ANKFY1: variants seen among roughly 807,000 people sequenced by gnomAD.
ANKFY1 encodes the protein ankyrin repeat and FYVE domain containing 1, also known as ankyrin repeat and FYVE domain-containing protein 1.
In ANKFY1, 47 loss-of-function variants were observed where a neutral mutation model predicts 128.3. The observed-to-expected ratio is 0.37, with a 90% CI of 0.29 to 0.47. ANKFY1 has a LOEUF of 0.47. Ranked by LOEUF, ANKFY1 falls within the 20% of genes least tolerant of loss-of-function variation. The probability of loss-of-function intolerance (pLI) is 1.00; values close to 1 mark genes in which losing one functional copy is unlikely to be tolerated. For synonymous variants in ANKFY1, 553 were observed against 601.6 expected (o/e 0.92, Z 1.18); for missense variants, 1,222 against 1,510.6 (o/e 0.81, Z 3.17).
chr17:4,221,481 G>A (rs957895260), intron 3 of ANKFY1, among the ~76,000 whole-genome samples: 1 of 152,126 alleles, frequency 6.6e-6, no homozygotes, highest in Non-Finnish European at 1.5e-5. Flanking sequence ...CAAAGTGCTG[G>A]TATTACAGGC....
At chr17:4,207,181 T>C (rs1298825748) in intron 6 of ANKFY1, among the ~76,000 whole-genome samples, 15 of 149,310 alleles carry the variant, frequency 1.0e-4, no homozygotes, top group Admixed American at 4.6e-4. Context: ...GGGCCCGATC[T>C]ATCTAACCAC....
At chr17:4,253,841 C>T (rs561096722) in intron 1 of ANKFY1, among the ~76,000 whole-genome samples, 3 of 152,272 alleles carry the variant, frequency 2.0e-5, no homozygotes, top group Admixed American at 6.5e-5. Flanking sequence ...ATAAACTACA[C>T]GACTTTACCT....
chr17:4,207,522 C>T (rs903162852), intron 6 of ANKFY1, among the ~76,000 whole-genome samples: 8 of 152,202 alleles, frequency 5.3e-5, no homozygotes, highest in Non-Finnish European at 8.8e-5. Context: ...CACAGCCTGC[C>T]GACATCCTGA....
chr17:4,259,957 G>T (rs1048006200), intron 1 of ANKFY1, among the ~76,000 whole-genome samples: 1 of 152,188 alleles, frequency 6.6e-6, no homozygotes, highest in Non-Finnish European at 1.5e-5. Context: ...ACTGTTCCAG[G>T]CCAAGGAAAC....
intron 2 of ANKFY1, among the ~76,000 whole-genome samples, chr17:4,239,361 GA>G (rs1200365798): frequency 6.6e-6 from 1 of 151,400 alleles, no homozygotes; most frequent in African/African-American, 2.4e-5. Context: ...GGAAGAAGAG[GA>G]AAAAAAAGAC....
chr17:4,172,463 C>T (rs932975665), intron 22 of ANKFY1, 93 bp downstream of exon 22: 60 of 1,512,194 alleles, frequency 4.0e-5, no homozygotes, highest in South Asian at 1.1e-4. Context: ...GCGAGCTGAA[C>T]GCCCTCAGAT....
intron 4 of ANKFY1, among the ~76,000 whole-genome samples, chr17:4,210,478 G>A (rs1329016157): frequency 1.3e-5 from 2 of 152,194 alleles, no homozygotes; most frequent in African/African-American, 4.8e-5. Context: ...GGAGGCCGAG[G>A]TGGGTGGATC....
chr17:4,164,032 A>T lies in ANKFY1; in HGVS notation c.*3747T>A, dbSNP rs1179294328. 1 of 152,700 alleles carries T rather than the reference A, an allele frequency of 6.5e-6. No homozygotes were observed. The highest frequency in any genetic ancestry group is 1.5e-5 in the Non-Finnish European group (1 of 68,058). The allele number at this position is 152,700 out of a possible 1,614,324, so 9.5% of individuals were successfully genotyped here. Reference sequence around the variant, plus strand: ...CTGATAAGCGCCGTGGTCCTCTATGATACCATCACCCCACACTGAGCACCA... The same window carrying T: ...CTGATAAGCGCCGTGGTCCTCTATGTTACCATCACCCCACACTGAGCACCA... On this transcript the variant is annotated 3_prime_UTR_variant, in exon 25 of 25. Transcript: ENST00000341657.
intron 1 of ANKFY1, among the ~76,000 whole-genome samples, chr17:4,249,794 T>C (rs1296525330): frequency 2.0e-5 from 3 of 152,170 alleles, no homozygotes. Flanking sequence ...GTTATGCTCT[T>C]GACTGCGCAG....
At chr17:4,210,394 C>A (rs1304714714) in intron 4 of ANKFY1, among the ~76,000 whole-genome samples, 1 of 152,086 alleles carries the variant, frequency 6.6e-6, no homozygotes, top group African/African-American at 2.4e-5. Flanking sequence ...AGGCTCTATG[C>A]TCAATAATTA....
chr17:4,175,924 T>C (rs1241391279), intron 19 of ANKFY1, among the ~76,000 whole-genome samples: 1 of 152,176 alleles, frequency 6.6e-6, no homozygotes, highest in African/African-American at 2.4e-5. Context: ...TCCTATCATC[T>C]GTCATGCCGG....
intron 1 of ANKFY1, among the ~76,000 whole-genome samples, chr17:4,259,836 TC>T (rs1385378948): frequency 2.0e-5 from 3 of 152,178 alleles, no homozygotes; most frequent in Non-Finnish European, 4.4e-5. Context: ...CAGACCAAGT[TC>T]CTGCCCTCAT....
At chr17:4,176,989 A>G in intron 19 of ANKFY1, 137 bp downstream of exon 19, 1 of 904,150 alleles carries the variant, frequency 1.1e-6, no homozygotes, top group Non-Finnish European at 1.5e-6. Context: ...CAGTTTCCTG[A>G]GTGCACCAGC....
chr17:4,263,376 T>C (rs1968525373), intron 1 of ANKFY1, among the ~76,000 whole-genome samples: 1 of 152,174 alleles, frequency 6.6e-6, no homozygotes, highest in Non-Finnish European at 1.5e-5. Context: ...TCTTCATCTG[T>C]ACGCCTGGCC....
rs1396490438 is a variant in ANKFY1, at chr17:4,183,436, T to C, written c.1914A>G (p.Ala638=). ...MAIQRQDSKS[A]LFLLEHQADI... ...CTGCCTGGTGCTCCAGCAGGAAGAG[T>C]GCGCTCTTGCTGTCCTGCCGCTGTA... Residue 638 remains alanine (A), a synonymous_variant, in exon 14 of 25, where the codon GCA becomes GCG. Transcript: ENST00000341657. The C allele has an allele frequency of 2.5e-6, 4 of 1,613,714 alleles. No individual in the cohort carries two copies. Among genetic ancestry groups the C allele is most frequent in the African/African-American group, 2.7e-5 (2 of 74,874 alleles).
chr17:4,254,407 C>T (rs1968009865), intron 1 of ANKFY1, among the ~76,000 whole-genome samples: 1 of 150,934 alleles, frequency 6.6e-6, no homozygotes, highest in African/African-American at 2.4e-5. Context: ...TTTGAAGATG[C>T]TGTCCTTGAA....
At position 4,167,139 on chromosome 17, in the gene ANKFY1, A is replaced by T. The variant is rs1279901031; in HGVS notation, c.*640T>A. The T allele has an allele frequency of 6.6e-6, 1 of 152,612 alleles. No individual in the cohort carries two copies. Among genetic ancestry groups the T allele is most frequent in the African/African-American group, 2.4e-5 (1 of 41,434 alleles). The allele number at this position is 152,612 out of a possible 1,614,324, so 9.5% of individuals were successfully genotyped here. ...CTCCTGACACCTCAGTAGCATGAACACTGTAAAGCTTTCAGTTGTTAAGGC... is the reference window on the plus strand; with the variant it reads ...CTCCTGACACCTCAGTAGCATGAACTCTGTAAAGCTTTCAGTTGTTAAGGC... On this transcript the variant is annotated 3_prime_UTR_variant, in exon 25 of 25. Coordinates refer to ENST00000341657, the MANE Select transcript of ANKFY1 (RefSeq NM_001330063.2). This position sits in a 1 kb window ranked among gnomAD's most constrained non-coding sequence, Gnocchi z 4.1.
Position 4,183,363 on chromosome 17 carries a change from C to T in ANKFY1, c.1952+35G>A, listed in dbSNP as rs567586532. On this transcript the variant is annotated intron_variant, in intron 14 of 24. Transcript: ENST00000341657. ...CTTTTGACATCTCAATTAATTGTTA[C>T]CTGGTGTTAGGTGGAGAGAGCGGCT... 251 of 1,598,970 alleles carry T rather than the reference C, an allele frequency of 1.6e-4. 3 individuals carry two copies. In the South Asian group the frequency reaches 2.5e-3, roughly 16 times the overall value.
At chr17:4,175,056 G>C (rs1364487209) in intron 19 of ANKFY1, among the ~76,000 whole-genome samples, 3 of 150,016 alleles carry the variant, frequency 2.0e-5, no homozygotes, top group Non-Finnish European at 4.5e-5. Context: ...ACACAGGCCG[G>C]GTGCAGTGGC....
Sources: gnomAD v4.1 joint callset for allele counts (sites outside exome capture counted in the v4.1 genomes callset) on GRCh38, gnomAD v4.1.1 for gene constraint, Gnocchi (gnomAD v3.1) non-coding constraint, MANE v1.5 for transcripts, NCBI Gene and HGNC (gene_info 2026-07-23, HGNC 2026-07-21) for gene names.